The following CADM1 variants were observed in gnomAD, a reference collection of about 807,000 sequenced individuals.
The protein encoded by CADM1 is cell adhesion molecule 1, also known as TSLC-1.
CADM1 carries 15 observed loss-of-function variants against 53.1 expected under a neutral mutation model. The observed-to-expected ratio is 0.28, with a 90% CI of 0.19 to 0.44. The LOEUF is 0.44. Ranked by LOEUF, CADM1 falls within the 20% of genes least tolerant of loss-of-function variation. CADM1 has a pLI of 1.00. For synonymous variants in CADM1, 281 were observed against 243.0 expected, an observed-to-expected ratio of 1.16 and a Z score of -1.45; for missense variants, 434 against 611.3, an observed-to-expected ratio of 0.71 and a Z score of 3.06.
intron 1 of CADM1, among the ~76,000 whole-genome samples, chr11:115,338,323 G>A (rs1385356382): frequency 6.6e-6 from 1 of 151,916 alleles, no homozygotes; most frequent in Non-Finnish European, 1.5e-5. Flanking sequence ...ATTTGCCTAA[G>A]GTTACTTACA....
intron 8 of CADM1, among the ~76,000 whole-genome samples, chr11:115,200,901 A>G (rs563022728): frequency 6.6e-6 from 1 of 152,320 alleles, no homozygotes; most frequent in South Asian, 2.1e-4. Flanking sequence ...AGCATTAACC[A>G]GTGACCCCAA....
At chr11:115,275,956 A>T (rs1223985787) in intron 1 of CADM1, among the ~76,000 whole-genome samples, 3 of 152,208 alleles carry the variant, frequency 2.0e-5, no homozygotes, top group Non-Finnish European at 4.4e-5. Context: ...CTATTCCATG[A>T]CTAAGGTTAA....
chr11:115,476,148 T>C (rs914106740), intron 1 of CADM1, among the ~76,000 whole-genome samples: 2 of 152,196 alleles, frequency 1.3e-5, no homozygotes, highest in Non-Finnish European at 2.9e-5. Context: ...AATATATTTA[T>C]CAAGAACCAA....
At position 115,214,476 on chromosome 11, in the gene CADM1, G is replaced by A. The variant is rs186577157; in HGVS notation, c.994+132C>T. 26 of 846,318 alleles carry A rather than the reference G, an allele frequency of 3.1e-5. No individual in the cohort carries two copies. The African/African-American group carries it at 3.2e-4, about 10-fold the overall frequency. 52.4% of individuals were successfully genotyped at this position (846,318 alleles called of 1,614,324 possible). On this transcript the variant is annotated intron_variant, in intron 7 of 11. Coordinates refer to ENST00000331581, the MANE Select transcript of CADM1 (RefSeq NM_001301043.2). ...GACACTAGGGTCCACCTCAGGCCAG[G>A]CTTCTTTAAGTTCTAGAAGGAAACC...
chr11:115,493,297 G>A (rs908647138), intron 1 of CADM1, among the ~76,000 whole-genome samples: 2 of 150,688 alleles, frequency 1.3e-5, no homozygotes, highest in Non-Finnish European at 3.0e-5. Flanking sequence ...AAAAAAAAGA[G>A]GGGGAAGAGT....
intron 1 of CADM1, among the ~76,000 whole-genome samples, chr11:115,452,100 C>T (rs994059944): frequency 1.9e-4 from 25 of 129,520 alleles, no homozygotes; most frequent in Non-Finnish European, 3.0e-4. Context: ...ATCTTGACCA[C>T]GTTAATTTCT....
chr11:115,427,824 C>G (rs1051679535), intron 1 of CADM1, among the ~76,000 whole-genome samples: 1 of 151,522 alleles, frequency 6.6e-6, no homozygotes, highest in Non-Finnish European at 1.5e-5. Flanking sequence ...CTGGCTAACA[C>G]GTGAAAGCCC....
chr11:115,393,066 CAAAAAAAAAAA>C (rs758785520), intron 1 of CADM1, among the ~76,000 whole-genome samples: 44 of 50,238 alleles, frequency 8.8e-4, no homozygotes, highest in East Asian at 2.8e-3. Context: ...CCATCTCTTC[CAAAAAAAAAAA>C]AAAAAAAAAA....
intron 1 of CADM1, among the ~76,000 whole-genome samples, chr11:115,496,978 T>C (rs898339529): frequency 5.3e-5 from 8 of 152,108 alleles, no homozygotes; most frequent in Admixed American, 3.9e-4. Flanking sequence ...GCACAGACAA[T>C]GGGAGTCAGG....
intron 1 of CADM1, among the ~76,000 whole-genome samples, chr11:115,264,302 G>A (rs758266985): frequency 1.2e-4 from 19 of 152,112 alleles, no homozygotes; most frequent in Non-Finnish European, 2.1e-4. Context: ...ACATCTGAAG[G>A]TTGATTTATA....
intron 3 of CADM1, among the ~76,000 whole-genome samples, chr11:115,237,043 C>T (rs539841348): frequency 5.3e-5 from 8 of 152,172 alleles, no homozygotes; most frequent in South Asian, 2.1e-4. Flanking sequence ...ATGCCATAAA[C>T]GATGATGAGT....
chr11:115,370,430 T>C (rs1433778339), intron 1 of CADM1, among the ~76,000 whole-genome samples: 2 of 152,120 alleles, frequency 1.3e-5, no homozygotes, highest in Non-Finnish European at 2.9e-5. Context: ...AAATTGGGGT[T>C]AGACAAGGTT....
chr11:115,320,061 C>T (rs974980936), intron 1 of CADM1, among the ~76,000 whole-genome samples: 1 of 151,980 alleles, frequency 6.6e-6, no homozygotes, highest in Non-Finnish European at 1.5e-5. Context: ...TTTATTTATT[C>T]ATTCATTCAT....
intron 1 of CADM1, among the ~76,000 whole-genome samples, chr11:115,343,605 G>C (rs6589493): frequency 1 from 152,149 of 152,154 alleles, 76,072 homozygotes; most frequent in Middle Eastern, 1. Context: ...AATAAAAAGG[G>C]AAAAAGCTGG....
At chr11:115,186,886 T>C (rs1939582714) in intron 10 of CADM1, among the ~76,000 whole-genome samples, 1 of 152,106 alleles carries the variant, frequency 6.6e-6, no homozygotes, top group Non-Finnish European at 1.5e-5. Context: ...CTCAGTAGGG[T>C]GTCGCGGTAG....
chr11:115,497,110 A>C (rs1375784905), intron 1 of CADM1, among the ~76,000 whole-genome samples: 1 of 152,168 alleles, frequency 6.6e-6, no homozygotes, highest in African/African-American at 2.4e-5. Context: ...CAGAGCACCT[A>C]CCTTCCCAAG....
intron 1 of CADM1, among the ~76,000 whole-genome samples, chr11:115,361,913 T>G (rs1180787632): frequency 2.6e-5 from 4 of 152,020 alleles, no homozygotes; most frequent in African/African-American, 9.7e-5. Context: ...TTGTTTTGTT[T>G]TGTTTTGGTA....
intron 1 of CADM1, among the ~76,000 whole-genome samples, chr11:115,361,481 T>A (rs1946027385): frequency 6.6e-6 from 1 of 152,132 alleles, no homozygotes; most frequent in Non-Finnish European, 1.5e-5. Context: ...TAAAATTGAG[T>A]GACTTGTATT....
intron 1 of CADM1, among the ~76,000 whole-genome samples, chr11:115,418,289 G>T (rs148038608): frequency 4.3e-4 from 66 of 152,216 alleles, no homozygotes; most frequent in Non-Finnish European, 7.8e-4. Context: ...AGTGGAACAC[G>T]CAAGTGGTTA....
Sources: gnomAD v4.1 joint callset for allele counts (sites outside exome capture counted in the v4.1 genomes callset) on GRCh38, gnomAD v4.1.1 for gene constraint, MANE v1.5 for transcripts, NCBI Gene and HGNC (gene_info 2026-07-23, HGNC 2026-07-21) for gene names.